APLF: variants seen among roughly 807,000 people sequenced by gnomAD.
The protein encoded by APLF is aprataxin and PNK-like factor.
A neutral mutation model predicts 55.6 loss-of-function variants in APLF; 61 were observed. That is an observed-to-expected ratio of 1.10 (90% CI 0.89 to 1.36). The LOEUF is 1.36. APLF is among the 40% of genes most tolerant of loss of function. APLF has a pLI of 0.00. For missense variants in APLF, 611 were observed against 602.5 expected (o/e 1.01, Z -0.15); for synonymous variants, 207 against 214.8 (o/e 0.96, Z 0.32).
At chr2:68,482,989 A>C (rs1032783866) in intron 1 of APLF, among the ~76,000 whole-genome samples, 3 of 152,056 alleles carry the variant, frequency 2.0e-5, no homozygotes, top group African/African-American at 4.8e-5. Flanking sequence ...TACCAGAGTC[A>C]TGACTGTCCC....
intron 8 of APLF, among the ~76,000 whole-genome samples, chr2:68,549,725 T>TG (rs1670804885): frequency 6.6e-6 from 1 of 152,196 alleles, no homozygotes; most frequent in African/African-American, 2.4e-5. Flanking sequence ...GTGGTGGTTC[T>TG]ACTAGTTACT....
intron 2 of APLF, among the ~76,000 whole-genome samples, chr2:68,493,679 T>A (rs1676438360): frequency 6.6e-6 from 1 of 152,124 alleles, no homozygotes; most frequent in African/African-American, 2.4e-5. Context: ...GAAAAAAGAT[T>A]TAGTCTGTGT....
intron 1 of APLF, among the ~76,000 whole-genome samples, chr2:68,477,970 TG>T (rs1395183309): frequency 1.3e-4 from 19 of 151,538 alleles, no homozygotes; most frequent in Non-Finnish European, 2.5e-4. Context: ...GAGATTTGGG[TG>T]GGGACACAGC....
At chr2:68,526,393 A>G in intron 6 of APLF, 151 bp downstream of exon 6, 1 of 1,452,510 alleles carries the variant, frequency 6.9e-7, no homozygotes, top group Non-Finnish European at 9.6e-7. Context: ...ACTTACTGAA[A>G]CTAATCTTTA....
chr2:68,506,480 A>G (rs559678032), intron 3 of APLF, among the ~76,000 whole-genome samples: 14 of 152,030 alleles, frequency 9.2e-5, no homozygotes, highest in African/African-American at 3.1e-4. Flanking sequence ...TCTGTTTTGC[A>G]GGGTCAACCA....
chr2:68,482,845 G>A (rs1447853788), intron 1 of APLF, among the ~76,000 whole-genome samples: 2 of 152,104 alleles, frequency 1.3e-5, no homozygotes, highest in African/African-American at 4.8e-5. Flanking sequence ...TCTCTGGCTG[G>A]GGTGTGAGCT....
At chr2:68,527,868 G>A (rs1277154426) in intron 6 of APLF, among the ~76,000 whole-genome samples, 4 of 149,088 alleles carry the variant, frequency 2.7e-5, no homozygotes, top group Non-Finnish European at 5.9e-5. Flanking sequence ...TGGAGTAGCC[G>A]GGCAGAGGCG....
chr2:68,571,469 G>C (rs959772892), intron 9 of APLF, among the ~76,000 whole-genome samples: 2 of 152,008 alleles, frequency 1.3e-5, no homozygotes, highest in Non-Finnish European at 1.5e-5. Context: ...ATTAATTTTT[G>C]TATAAGGTGT....
chr2:68,525,143 A>C (rs1441659201), intron 5 of APLF, among the ~76,000 whole-genome samples: 2 of 152,110 alleles, frequency 1.3e-5, no homozygotes, highest in East Asian at 3.9e-4. Context: ...AAAATACAAA[A>C]TTTAACCAGG....
rs1670112411 is a variant in APLF, at chr2:68,527,750, G to A, written c.804+1508G>A. 3.3e-5 allele frequency among the ~76,000 whole-genome samples: 5 copies of A among 151,446 alleles called. No homozygotes were observed. The South Asian group carries it at 1.0e-3, about 32-fold the overall frequency. ...ACTTCCCAGACTGTGAGGCAGCCGG[G>A]CAGAGGTGCTCGTCACTTCCCAGAG... On this transcript the variant is annotated intron_variant, in intron 6 of 9. Transcript: ENST00000303795.
chr2:68,500,221 G>T (rs568811835), intron 2 of APLF, among the ~76,000 whole-genome samples: 5 of 152,134 alleles, frequency 3.3e-5, no homozygotes, highest in Non-Finnish European at 4.4e-5. Context: ...TTAGGTTTAC[G>T]TTAGAGGATC....
chr2:68,522,547 C>T (rs960289566), intron 5 of APLF, among the ~76,000 whole-genome samples: 16 of 151,720 alleles, frequency 1.1e-4, no homozygotes, highest in East Asian at 3.8e-4. Context: ...TTTCCATATA[C>T]GGTCAGGCAC....
intron 3 of APLF, among the ~76,000 whole-genome samples, chr2:68,512,093 G>A (rs1255658398): frequency 6.6e-6 from 1 of 151,634 alleles, no homozygotes; most frequent in Admixed American, 6.6e-5. Flanking sequence ...CCTTTTAAAT[G>A]TGCAATTCAA....
rs892973583 is a variant in APLF, at chr2:68,467,921, C to A, written c.96+94C>A. 16 of 943,698 alleles carry A rather than the reference C, an allele frequency of 1.7e-5. No homozygotes were observed. The African/African-American group carries it at 2.7e-4, about 16-fold the overall frequency. 58.5% of individuals were successfully genotyped at this position (943,698 alleles called of 1,614,324 possible). A position where few individuals can be genotyped will look rare whatever the true frequency, so the allele number is the denominator to read the frequency against. ...CCCTAGTCCTGGCCGGTTTCCCCAC[C>A]GCACTGGTCCGCCGGTCCGGATTTT... On this transcript the variant is annotated intron_variant, in intron 1 of 9. Coordinates refer to ENST00000303795, the MANE Select transcript of APLF (RefSeq NM_173545.3).
intron 8 of APLF, 80 bp from the exon 9 acceptor site, chr2:68,567,261 C>A: frequency 8.4e-7 from 1 of 1,184,408 alleles, no homozygotes; most frequent in East Asian, 2.4e-5. Context: ...GTAAGTTAGT[C>A]AGTGTTCTGG....
At chr2:68,566,586 G>A (rs1189904203) in intron 8 of APLF, among the ~76,000 whole-genome samples, 1 of 152,092 alleles carries the variant, frequency 6.6e-6, no homozygotes, top group Admixed American at 6.6e-5. Context: ...TCTGTTGTTA[G>A]TGTACCCCAG....
At chr2:68,566,068 G>C (rs961498171) in intron 8 of APLF, among the ~76,000 whole-genome samples, 1 of 152,030 alleles carries the variant, frequency 6.6e-6, no homozygotes, top group African/African-American at 2.4e-5. Flanking sequence ...TTCGGGGCTA[G>C]AGATCCACTT....
chr2:68,578,488 T>A lies in APLF; in HGVS notation c.*466T>A. On this transcript the variant is annotated 3_prime_UTR_variant, in exon 10 of 10. Coordinates refer to ENST00000303795, the MANE Select transcript of APLF (RefSeq NM_173545.3). ...TTTAAAAAATGCAGCCATTACATAA[T>A]GGCGTTTTTTTTCTAGTACCTTAGA... is the stretch of plus-strand genomic sequence containing the variant. The A allele has an allele frequency of 2.0e-6, 2 of 987,238 alleles. No individual in the cohort carries two copies. Among genetic ancestry groups the A allele is most frequent in the Non-Finnish European group, 2.4e-6 (2 of 831,270 alleles). 61.2% of individuals were successfully genotyped at this position (987,238 alleles called of 1,614,324 possible).
chr2:68,500,862 T>C (rs1243474092), intron 2 of APLF, among the ~76,000 whole-genome samples: 2 of 152,226 alleles, frequency 1.3e-5, no homozygotes, highest in African/African-American at 2.4e-5. Flanking sequence ...CAATTTGTCA[T>C]GTGCTTGTTG....
Sources: allele counts gnomAD v4.1 joint callset (sites outside exome capture counted in the v4.1 genomes callset), GRCh38; gene constraint gnomAD v4.1.1; transcripts MANE v1.5; gene names NCBI Gene and HGNC (gene_info 2026-07-23, HGNC 2026-07-21).